The following TLN2 variants were observed in gnomAD, a reference collection of about 807,000 sequenced individuals.
TLN2 encodes talin 2.
A neutral mutation model predicts 294.7 loss-of-function variants in TLN2; 118 were observed. The ratio of observed to expected loss-of-function variants is 0.40; its 90% CI spans 0.34 to 0.47. The LOEUF (loss-of-function observed/expected upper bound fraction) is 0.47. Among genes scored for constraint, TLN2 ranks in the 20% least tolerant of loss-of-function variants. TLN2 has a pLI of 0.84. For missense variants in TLN2, 3,083 were observed against 3,282.2 expected (o/e 0.94, Z 1.48); for synonymous variants, 1,431 against 1,304.5 (o/e 1.10, Z -2.09).
chr15:62,442,850 C>T (rs2456465), intron 1 of TLN2, among the ~76,000 whole-genome samples: 49,180 of 152,058 alleles, frequency 0.32, 8,935 homozygotes, highest in East Asian at 0.59. Flanking sequence ...TGTGATTTTC[C>T]TGGCGGCTCT....
Position 62,603,487 on chromosome 15 carries a change from C to G in TLN2, c.-162+13725C>G, listed in dbSNP as rs188981712. 4.9e-4 allele frequency among the ~76,000 whole-genome samples: 74 copies of G among 152,254 alleles called. 1 individual carries two copies. The highest frequency in any genetic ancestry group is 1.7e-3 in the African/African-American group (69 of 41,540). ...CTCCTTTGTGTATCTGCCTCTTCCT[C>G]CATTATGTGGATTTGTTCTCCCTTA... On this transcript the variant is annotated intron_variant, in intron 2 of 58. Transcript: ENST00000636159.
intron 3 of TLN2, among the ~76,000 whole-genome samples, chr15:62,636,585 T>A (rs2050407959): frequency 6.6e-6 from 1 of 152,200 alleles, no homozygotes; most frequent in African/African-American, 2.4e-5. Context: ...TCTTCAAAAT[T>A]GAAGAAAATT....
intron 12 of TLN2, among the ~76,000 whole-genome samples, chr15:62,690,837 C>G (rs2057812785): frequency 6.6e-6 from 1 of 151,684 alleles, no homozygotes; most frequent in South Asian, 2.1e-4. Flanking sequence ...ACAGCGAAAC[C>G]CCGTCTCCAC....
intron 1 of TLN2, among the ~76,000 whole-genome samples, chr15:62,503,185 G>A (rs1473142788): frequency 1.3e-5 from 2 of 152,156 alleles, no homozygotes; most frequent in Non-Finnish European, 2.9e-5. Context: ...AAAGTAATAT[G>A]TGTTCATGGT....
intron 47 of TLN2, 47 bp from the exon 48 acceptor site, chr15:62,797,172 T>C: frequency 6.2e-7 from 1 of 1,604,768 alleles, no homozygotes; most frequent in Non-Finnish European, 8.5e-7. Context: ...TAATCAAGCT[T>C]TGCCCTCTGT....
chr15:62,740,889 T>C, intron 32 of TLN2, 120 bp downstream of exon 32: 1 of 1,320,812 alleles, frequency 7.6e-7, no homozygotes. Context: ...CCTTAGGTCA[T>C]GGGAGGTGGA....
rs370409825 is a variant in TLN2, at chr15:62,697,814, G to A, written c.1419G>A (p.Ser473=). The A allele has an allele frequency of 3.5e-5, 57 of 1,612,796 alleles. No homozygotes were observed. The highest frequency in any genetic ancestry group is 8.9e-5 in the East Asian group (4 of 44,844). ...CCTTCAACGTTGGCAGCATGCCCTC[G>A]CCACAGCAGCAGGTCATGGTTGGGC... The part of the protein sequence containing the change: ...PETFNVGSMP[S]PQQQVMVGQM... Residue 473 remains serine, a synonymous_variant, in exon 15 of 59, where the codon TCG becomes TCA. Transcript: ENST00000636159.
At position 62,562,668 on chromosome 15, in the gene TLN2, A is replaced by G. The variant is rs534361468; in HGVS notation, c.-237-27019A>G. On this transcript the variant is annotated intron_variant, in intron 1 of 58. Coordinates refer to ENST00000636159, the MANE Select transcript of TLN2 (RefSeq NM_015059.3). ...ACCGGAGCAGTATACAGTGAACCCA[A>G]TTTGTAGTCTTTTATCCCTCACCCA... 4.0e-5 allele frequency among the ~76,000 whole-genome samples: 6 copies of G among 151,856 alleles called. No homozygotes were observed. The East Asian group carries it at 5.8e-4, about 15-fold the overall frequency.
intron 5 of TLN2, 97 bp from the exon 6 acceptor site, chr15:62,651,908 C>T (rs1303847977): frequency 7.3e-7 from 1 of 1,374,812 alleles, no homozygotes; most frequent in African/African-American, 1.4e-5. Flanking sequence ...AGAGTCTACT[C>T]TGATTTTTTT....
chr15:62,727,243 G>A, intron 28 of TLN2, 54 bp downstream of exon 28: 1 of 1,509,694 alleles, frequency 6.6e-7, no homozygotes, highest in East Asian at 2.3e-5. Context: ...ACTGGGTGTA[G>A]TGGGGGAGGA....
chr15:62,424,495 C>T (rs2034590370), intron 1 of TLN2, among the ~76,000 whole-genome samples: 1 of 152,180 alleles, frequency 6.6e-6, no homozygotes, highest in Admixed American at 6.5e-5. Flanking sequence ...CGCACCTCCA[C>T]CTGCATCTCT....
chr15:62,640,163 C>T (rs975024859), intron 3 of TLN2: 20 of 455,616 alleles, frequency 4.4e-5, no homozygotes, highest in Non-Finnish European at 7.1e-5. Flanking sequence ...TTCTTACCTG[C>T]AGAGGAGCTA....
At chr15:62,771,868 T>C (rs939872197) in intron 42 of TLN2, among the ~76,000 whole-genome samples, 1 of 152,196 alleles carries the variant, frequency 6.6e-6, no homozygotes, top group African/African-American at 2.4e-5. Flanking sequence ...TGGGGAGCCA[T>C]TGGCAGTTTT....
chr15:62,511,260 T>C (rs1051883325), intron 1 of TLN2, among the ~76,000 whole-genome samples: 3 of 152,198 alleles, frequency 2.0e-5, no homozygotes, highest in Non-Finnish European at 2.9e-5. Flanking sequence ...GTGTGTTTTT[T>C]TATGTTTAGG....
At chr15:62,675,792 T>C (rs2141012193) in intron 11 of TLN2, among the ~76,000 whole-genome samples, 1 of 152,324 alleles carries the variant, frequency 6.6e-6, no homozygotes, top group Non-Finnish European at 1.5e-5. Flanking sequence ...TTGTCTGTTT[T>C]CCTACTAGAG....
chr15:62,740,502 C>T, intron 31 of TLN2, 128 bp from the exon 32 acceptor site: 1 of 1,249,832 alleles, frequency 8.0e-7, no homozygotes, highest in Non-Finnish European at 1.1e-6. Flanking sequence ...CATCTGCGGG[C>T]TAACTGGGTT....
At chr15:62,625,430 C>A (rs187686022) in intron 3 of TLN2, among the ~76,000 whole-genome samples, 1 of 152,178 alleles carries the variant, frequency 6.6e-6, no homozygotes, top group East Asian at 1.9e-4. Flanking sequence ...ATTAATTCAT[C>A]CTTGTAATTG....
At chr15:62,499,846 G>A (rs1007942380) in intron 1 of TLN2, among the ~76,000 whole-genome samples, 2 of 152,008 alleles carry the variant, frequency 1.3e-5, no homozygotes, top group African/African-American at 2.4e-5. Flanking sequence ...CAGGTGATCT[G>A]CCCGCCTGGA....
chr15:62,467,029 C>T (rs184906684), intron 1 of TLN2, among the ~76,000 whole-genome samples: 47 of 152,310 alleles, frequency 3.1e-4, no homozygotes, highest in Admixed American at 5.2e-4. Context: ...TGGGGGAGGA[C>T]ACTCACCAAA....
Sources: gnomAD v4.1 joint callset for allele counts (sites outside exome capture counted in the v4.1 genomes callset) on GRCh38, gnomAD v4.1.1 for gene constraint, MANE v1.5 for transcripts, NCBI Gene and HGNC (gene_info 2026-07-23, HGNC 2026-07-21) for gene names.